FBXL20: variants seen among roughly 807,000 people sequenced by gnomAD.
FBXL20 encodes the protein F-box and leucine rich repeat protein 20, also known as F-box/LRR-repeat protein 20.
Under a neutral mutation model 64.0 loss-of-function variants are expected in FBXL20, and 11 were observed. That is an observed-to-expected ratio of 0.17 (90% CI 0.11 to 0.28). The LOEUF is 0.28. Ranked by LOEUF, FBXL20 falls within the 10% of genes least tolerant of loss-of-function variation. The probability of loss-of-function intolerance (pLI) is 1.00; values close to 1 mark genes in which losing one functional copy is unlikely to be tolerated. For missense variants in FBXL20, 303 were observed against 526.2 expected (o/e 0.58, Z 4.15); for synonymous variants, 184 against 189.0 (o/e 0.97, Z 0.22).
In FBXL20 at chr17:39,345,844, A is replaced by G. The variant is rs1322874702; in HGVS notation, c.43-2603T>C. ...GTGTGAGCTACCACACCTGGCCTAA[A>G]TATTTTCTGATTACAATAACCTACG... On this transcript the variant is annotated intron_variant, in intron 1 of 14. Transcript: ENST00000264658. Among the ~76,000 whole-genome samples the G allele has an allele frequency of 6.6e-5, 10 of 152,216 alleles. No individual in the cohort carries two copies. In the South Asian group the frequency reaches 1.0e-3, roughly 16 times the overall value.
At chr17:39,312,981 C>T (rs1034155032) in intron 2 of FBXL20, among the ~76,000 whole-genome samples, 11 of 147,220 alleles carry the variant, frequency 7.5e-5, no homozygotes, top group African/African-American at 2.8e-4. Flanking sequence ...TGCAGTGGCG[C>T]GATCTCGGCT....
At chr17:39,297,278 T>G in intron 5 of FBXL20, 83 bp from the exon 6 acceptor site, 1 of 770,018 alleles carries the variant, frequency 1.3e-6, no homozygotes. Flanking sequence ...ATATTATTAT[T>G]GGTAATATTG....
At chr17:39,301,526 G>A (rs973798191) in intron 3 of FBXL20, among the ~76,000 whole-genome samples, 4 of 151,738 alleles carry the variant, frequency 2.6e-5, no homozygotes, top group South Asian at 2.1e-4. Context: ...TCAAGAGTTC[G>A]AGACCAGCCT....
At chr17:39,297,337 G>C (rs2047095219) in intron 5 of FBXL20, 142 bp from the exon 6 acceptor site, 1 of 466,000 alleles carries the variant, frequency 2.1e-6, no homozygotes. Context: ...CATGTATTTG[G>C]TCTTCATCTT....
intron 6 of FBXL20, among the ~76,000 whole-genome samples, chr17:39,290,624 G>C (rs2047029160): frequency 6.6e-6 from 1 of 152,108 alleles, no homozygotes; most frequent in South Asian, 2.1e-4. Context: ...AAGTGCAGTG[G>C]CATGATCACA....
In FBXL20 at chr17:39,274,985, T is replaced by G. The variant is rs894824106; in HGVS notation, c.812A>C (p.Asn271Thr). Residue 271 changes from asparagine to threonine, a missense_variant, in exon 10 of 15, where the codon AAC (asparagine) becomes ACC (threonine). Around this residue, in one of 3 missense-constraint regions of FBXL20, gnomAD observed 246 missense variants for 422.6 expected, o/e 0.58. Transcript: ENST00000264658. ...TDAILNALGQ[N>T]CPRLRILEVA... ...AAATGTTTACCTAAGCCGTGGGCAG[T>G]TCTGACCTAGAGCATTCAGGATGGC... 2 of 1,613,486 alleles carry G rather than the reference T, an allele frequency of 1.2e-6. No homozygotes were observed. Among genetic ancestry groups the G allele is most frequent in the Non-Finnish European group, 1.7e-6 (2 of 1,179,904 alleles).
chr17:39,363,817 AAAAAAAAAAC>A lies in FBXL20; in HGVS notation c.43-20586_43-20577del, dbSNP rs1419985784. On this transcript the variant is annotated intron_variant, in intron 1 of 14. Transcript: ENST00000264658. ...CAGAGCAAGACTTTATCTCAAAAAA[AAAAAAAAAAC>A]AAAAAACAAAAAAAAAAACAATAAA... Among the ~76,000 whole-genome samples, 653 of 143,646 alleles carry A rather than the reference AAAAAAAAAAC, an allele frequency of 4.5e-3. 26 individuals carry two copies. Among genetic ancestry groups the A allele is most frequent in the African/African-American group, 0.016 (603 of 37,162 alleles). The allele number at this position is 143,646 out of a possible 152,430, so 94.2% of individuals were successfully genotyped here. A position where few individuals can be genotyped will look rare whatever the true frequency, so the allele number is the denominator to read the frequency against.
At position 39,298,983 on chromosome 17, in the gene FBXL20, T is replaced by A; in HGVS notation, c.329+7A>T. ...TCAAGAAGATTAATCAATAGTTATGTTTTTACCTTAATGCATTGTCTCCCA... is the reference window on the plus strand; with the variant it reads ...TCAAGAAGATTAATCAATAGTTATGATTTTACCTTAATGCATTGTCTCCCA... On this transcript the variant is annotated splice_region_variant and intron_variant, in intron 5 of 14. Coordinates refer to ENST00000264658, the MANE Select transcript of FBXL20 (RefSeq NM_032875.3). 6.2e-7 allele frequency: 1 copy of A among 1,607,624 alleles called. No homozygotes were observed. The highest frequency in any genetic ancestry group is 1.3e-5 in the African/African-American group (1 of 74,888).
chr17:39,341,377 C>CA (rs1037735460), intron 2 of FBXL20, among the ~76,000 whole-genome samples: 33 of 152,116 alleles, frequency 2.2e-4, no homozygotes, highest in African/African-American at 8.0e-4. Context: ...ATCAAGCTCT[C>CA]AATGATAAAA....
At chr17:39,292,569 A>G (rs2047049165) in intron 6 of FBXL20, among the ~76,000 whole-genome samples, 1 of 151,654 alleles carries the variant, frequency 6.6e-6, no homozygotes, top group Non-Finnish European at 1.5e-5. Flanking sequence ...TGTAACTGCT[A>G]TTTTTAAACT....
At chr17:39,280,722 T>C (rs762540882) in intron 9 of FBXL20, among the ~76,000 whole-genome samples, 16 of 152,170 alleles carry the variant, frequency 1.1e-4, no homozygotes, top group Admixed American at 2.6e-4. Flanking sequence ...ACGCTAAATA[T>C]AGATGCTACT....
At chr17:39,354,905 A>T (rs2047721048) in intron 1 of FBXL20, among the ~76,000 whole-genome samples, 1 of 152,062 alleles carries the variant, frequency 6.6e-6, no homozygotes, top group Non-Finnish European at 1.5e-5. Flanking sequence ...AGGGATGTTC[A>T]CCACATAAAA....
chr17:39,367,932 T>A (rs1194614359), intron 1 of FBXL20, among the ~76,000 whole-genome samples: 2 of 150,254 alleles, frequency 1.3e-5, no homozygotes, highest in Admixed American at 6.7e-5. Context: ...CCCAGCTAAT[T>A]TTTTTTTTCT....
intron 1 of FBXL20, among the ~76,000 whole-genome samples, chr17:39,371,286 T>A (rs1434194999): frequency 6.6e-6 from 1 of 152,230 alleles, no homozygotes; most frequent in Non-Finnish European, 1.5e-5. Flanking sequence ...AAAAATATGC[T>A]TATATACTTT....
At chr17:39,310,916 G>A (rs554701258) in intron 2 of FBXL20, among the ~76,000 whole-genome samples, 1 of 152,096 alleles carries the variant, frequency 6.6e-6, no homozygotes, top group Admixed American at 6.6e-5. Context: ...ACCCAGGGGG[G>A]CAGAGGTTGC....
Position 39,261,422 on chromosome 17 carries a change from TTAAA to T in FBXL20, c.*34_*37del, listed in dbSNP as rs767131853. On this transcript the variant is annotated 3_prime_UTR_variant, in exon 15 of 15. Coordinates refer to ENST00000264658, the MANE Select transcript of FBXL20 (RefSeq NM_032875.3). Reference sequence around the variant, plus strand: ...CTCCACGGTAGCTCTAGAAGTGTCATTAAATACTCAGTTCGCCAAGGTTGACCAC... The same window carrying T: ...CTCCACGGTAGCTCTAGAAGTGTCATTACTCAGTTCGCCAAGGTTGACCAC... 1.3e-6 allele frequency: 2 copies of T among 1,513,680 alleles called. No individual in the cohort carries two copies. Among genetic ancestry groups the T allele is most frequent in the Admixed American group, 1.7e-5 (1 of 59,808 alleles). 93.8% of individuals were successfully genotyped at this position (1,513,680 alleles called of 1,614,324 possible). A position where few individuals can be genotyped will look rare whatever the true frequency, so the allele number is the denominator to read the frequency against.
At chr17:39,401,324 G>A (rs537082350) in intron 1 of FBXL20, 37 bp downstream of exon 1, 1 of 1,612,238 alleles carries the variant, frequency 6.2e-7, no homozygotes, top group South Asian at 1.1e-5. Flanking sequence ...CGCGCGACCC[G>A]CCCTCCTCAC....
At chr17:39,308,710 G>C (rs1017272734) in intron 2 of FBXL20, among the ~76,000 whole-genome samples, 3 of 151,322 alleles carry the variant, frequency 2.0e-5, no homozygotes, top group African/African-American at 7.3e-5. Context: ...CACTACAGGC[G>C]CCGAACCACC....
chr17:39,361,128 A>G (rs74386619), intron 1 of FBXL20, among the ~76,000 whole-genome samples: 1,630 of 152,274 alleles, frequency 0.011, 26 homozygotes, highest in African/African-American at 0.037. Context: ...TCAGGACAGC[A>G]AAGTCACCTG....
Sources: allele counts gnomAD v4.1 joint callset (sites outside exome capture counted in the v4.1 genomes callset), GRCh38; gene constraint gnomAD v4.1.1; regional missense constraint gnomAD v4.1.1; transcripts MANE v1.5; gene names NCBI Gene and HGNC (gene_info 2026-07-23, HGNC 2026-07-21).